The following NEXMIF variants were observed in gnomAD, a reference collection of about 807,000 sequenced individuals.
The protein encoded by NEXMIF is XLMR protein related to neurite extension.
In NEXMIF, 8 loss-of-function variants were observed where a neutral mutation model predicts 62.1. That is an observed-to-expected ratio of 0.13 (90% confidence interval 0.08 to 0.23). The LOEUF is 0.23. NEXMIF is among the 10% of genes least tolerant of loss of function. NEXMIF has a pLI of 1.00. For synonymous variants in NEXMIF, 404 were observed against 416.6 expected, an observed-to-expected ratio of 0.97 and a Z score of 0.37; for missense variants, 976 against 1,113.3, an observed-to-expected ratio of 0.88 and a Z score of 1.75.
In NEXMIF at chrX:74,912,821, A is replaced by C. The variant is rs900546338; in HGVS notation, c.-48+12062T>G. 8.1e-5 allele frequency among the ~76,000 whole-genome samples: 9 copies of C among 111,449 alleles called. 1 individual carries two copies. The Admixed American group carries it at 8.6e-4, about 11-fold the overall frequency. ...ACCATACATGGCTACCAAGCACTTGAAATGTGGCTGAATTCCAACCCCTAA... is the reference window on the plus strand; with the variant it reads ...ACCATACATGGCTACCAAGCACTTGCAATGTGGCTGAATTCCAACCCCTAA... On this transcript the variant is annotated intron_variant, in intron 1 of 3. Coordinates refer to ENST00000055682, the MANE Select transcript of NEXMIF (RefSeq NM_001008537.3).
At chrX:74,807,524 G>A (rs747869654) in intron 1 of NEXMIF, among the ~76,000 whole-genome samples, 13 of 109,943 alleles carry the variant, frequency 1.2e-4, no homozygotes, top group Admixed American at 2.9e-4. Flanking sequence ...GTGCAGTGGC[G>A]CCATCTTGGC....
At chrX:74,781,357 T>C (rs1019810745) in intron 1 of NEXMIF, among the ~76,000 whole-genome samples, 7 of 112,235 alleles carry the variant, frequency 6.2e-5, no homozygotes, top group Admixed American at 9.5e-5. Context: ...TATTGCCAAA[T>C]GTGCAGTTGG....
intron 1 of NEXMIF, among the ~76,000 whole-genome samples, chrX:74,879,270 C>G (rs192763362): frequency 1.5e-4 from 17 of 111,911 alleles, no homozygotes; most frequent in African/African-American, 5.5e-4. Context: ...TGATGCATGA[C>G]TGTATTGAAT....
chrX:74,919,684 T>C (rs1018192372), intron 1 of NEXMIF, among the ~76,000 whole-genome samples: 1 of 110,941 alleles, frequency 9.0e-6, no homozygotes, highest in Non-Finnish European at 1.9e-5. Flanking sequence ...TGCAGGTTTG[T>C]TACATACGTA....
At chrX:74,763,187 C>G (rs2080183052) in intron 1 of NEXMIF, among the ~76,000 whole-genome samples, 1 of 111,978 alleles carries the variant, frequency 8.9e-6, no homozygotes, top group Non-Finnish European at 1.9e-5. Flanking sequence ...CTACATATGG[C>G]TAGCCAGTTA....
At chrX:74,797,626 C>A (rs1458555162) in intron 1 of NEXMIF, among the ~76,000 whole-genome samples, 1 of 111,789 alleles carries the variant, frequency 8.9e-6, no homozygotes, top group Non-Finnish European at 1.9e-5. Flanking sequence ...AACTGTGTGA[C>A]CTTAAGCAAG....
rs1237231649 is a variant in NEXMIF at position 74,812,436 on chromosome X, GA to G, written c.-47-66740del. On this transcript the variant is annotated intron_variant, in intron 1 of 3. Transcript: ENST00000055682. ...AAATAGATTTTTACCAACTTATTTGGAATCTTTAATCTTCATCGTGTTTAAT... is the reference window on the plus strand; with the variant it reads ...AAATAGATTTTTACCAACTTATTTGGATCTTTAATCTTCATCGTGTTTAAT... Among the ~76,000 whole-genome samples, 13 of 111,510 alleles carry G rather than the reference GA, an allele frequency of 1.2e-4. 1 individual carries two copies. In the South Asian group the frequency reaches 4.5e-3, roughly 39 times the overall value.
intron 1 of NEXMIF, among the ~76,000 whole-genome samples, chrX:74,762,548 C>G (rs2080180166): frequency 8.9e-6 from 1 of 111,827 alleles, no homozygotes; most frequent in South Asian, 3.8e-4. Context: ...CACTGTCTTC[C>G]ACAATGGTTG....
chrX:74,809,439 C>A (rs773681022), intron 1 of NEXMIF, among the ~76,000 whole-genome samples: 1 of 111,809 alleles, frequency 8.9e-6, no homozygotes, highest in South Asian at 3.8e-4. Flanking sequence ...GAAATCTGAA[C>A]ATGAAATCCC....
At chrX:74,899,194 C>T (rs771109179) in intron 1 of NEXMIF, among the ~76,000 whole-genome samples, 1 of 111,764 alleles carries the variant, frequency 8.9e-6, no homozygotes, top group East Asian at 2.8e-4. Flanking sequence ...CTCACTACTT[C>T]TTTTCAACAT....
chrX:74,790,557 T>A (rs1326497234), intron 1 of NEXMIF, among the ~76,000 whole-genome samples: 5 of 112,356 alleles, frequency 4.5e-5, no homozygotes, highest in Non-Finnish European at 9.5e-5. Context: ...ATCTGTAAAT[T>A]ACCTTGGGCA....
chrX:74,825,495 G>A (rs747013087), intron 1 of NEXMIF, among the ~76,000 whole-genome samples: 1 of 111,365 alleles, frequency 9.0e-6, no homozygotes, highest in African/African-American at 3.3e-5. Context: ...TTGGTTTTCT[G>A]TTCCTGTGTT....
rs199579887 is a variant in NEXMIF, at chrX:74,741,196, G to A, written c.3361C>T (p.Arg1121Trp). 84 of 1,209,339 alleles carry A rather than the reference G, an allele frequency of 6.9e-5. 1 individual carries two copies. Among genetic ancestry groups the A allele is most frequent in the East Asian group, 2.7e-4 (9 of 33,733 alleles). The change falls in exon 3 of 4, where the codon CGG (arginine) becomes TGG (tryptophan). Residue 1121 changes from arginine to tryptophan, a missense_variant. Around this residue, in one of 5 missense-constraint regions of NEXMIF, gnomAD observed 639 missense variants for 694.5 expected, o/e 0.92. Transcript: ENST00000055682. Reference protein sequence around the residue: ...KIKWDCSTLSRQVQMEDGFTL... With the variant: ...KIKWDCSTLSWQVQMEDGFTL... ...AATCCATCCTCCATTTGGACCTGCC[G>A]TGAAAGGGTACTGCAGTCCCACTTG...
chrX:74,812,974 T>C (rs961035338), intron 1 of NEXMIF, among the ~76,000 whole-genome samples: 1 of 111,970 alleles, frequency 8.9e-6, no homozygotes, highest in Non-Finnish European at 1.9e-5. Context: ...AAGAGTAACA[T>C]TGACTGCTTT....
In NEXMIF at chrX:74,745,711, A is replaced by C; in HGVS notation, c.-47-14T>G. ...ATGCTGTCCAACCTGCACATTTCAA[A>C]TATATAATATCAGTCATTAAATTTG... On this transcript the variant is annotated splice_polypyrimidine_tract_variant and intron_variant, in intron 1 of 3. Transcript: ENST00000055682. 1.4e-6 allele frequency: 1 copy of C among 693,581 alleles called. No individual in the cohort carries two copies. Among genetic ancestry groups the C allele is most frequent in the Non-Finnish European group, 2.3e-6 (1 of 433,050 alleles). The allele number at this position is 693,581 out of a possible 1,213,427, so 57.2% of individuals were successfully genotyped here.
intron 1 of NEXMIF, among the ~76,000 whole-genome samples, chrX:74,776,132 G>C (rs184553402): frequency 7.4e-4 from 82 of 111,090 alleles, no homozygotes; most frequent in Non-Finnish European, 1.4e-3. Flanking sequence ...CCAAGTAGAA[G>C]GGGAATTTCT....
At chrX:74,825,371 C>T (rs187635672) in intron 1 of NEXMIF, among the ~76,000 whole-genome samples, 348 of 111,047 alleles carry the variant, frequency 3.1e-3, no homozygotes, top group Non-Finnish European at 4.9e-3. Context: ...TTCTCCTGAT[C>T]CTCTCCCTCC....
chrX:74,916,586 T>A (rs1220022087), intron 1 of NEXMIF, among the ~76,000 whole-genome samples: 1 of 111,891 alleles, frequency 8.9e-6, no homozygotes, highest in Admixed American at 9.5e-5. Flanking sequence ...GCCATGGTAC[T>A]GCTTCAGGAC....
chrX:74,791,503 G>T (rs1205494075), intron 1 of NEXMIF, among the ~76,000 whole-genome samples: 2 of 111,390 alleles, frequency 1.8e-5, no homozygotes, highest in African/African-American at 6.5e-5. Flanking sequence ...AAATGAGTTA[G>T]GGAGGATTCC....
Sources: gnomAD v4.1 joint callset for allele counts (sites outside exome capture counted in the v4.1 genomes callset) on GRCh38, gnomAD v4.1.1 for gene constraint, gnomAD v4.1.1 regional missense constraint, MANE v1.5 for transcripts, NCBI Gene and HGNC (gene_info 2026-07-23, HGNC 2026-07-21) for gene names.